Variants in ROBO2 observed in about 807,000 individuals in gnomAD.
The protein encoded by ROBO2 is roundabout homolog 2.
ROBO2 carries 53 observed loss-of-function variants against 160.8 expected under a neutral mutation model. The ratio of observed to expected loss-of-function variants is 0.33; its 90% CI spans 0.26 to 0.41. ROBO2 has a LOEUF of 0.41. Among genes scored for constraint, ROBO2 ranks in the 10% least tolerant of loss-of-function variants. ROBO2 has a pLI of 1.00. For missense variants in ROBO2, 1,577 were observed against 1,722.4 expected, an observed-to-expected ratio of 0.92 and a Z score of 1.49; for synonymous variants, 664 against 611.7, an observed-to-expected ratio of 1.09 and a Z score of -1.26.
chr3:77,369,501 G>A (rs1423986564), intron 2 of ROBO2, among the ~76,000 whole-genome samples: 6 of 152,172 alleles, frequency 3.9e-5, no homozygotes, highest in Non-Finnish European at 8.8e-5. Flanking sequence ...GCAGGTATGT[G>A]GATGTAGGCC....
chr3:76,623,349 G>A (rs1305359914), intron 2 of ROBO2, among the ~76,000 whole-genome samples: 1 of 152,140 alleles, frequency 6.6e-6, no homozygotes, highest in African/African-American at 2.4e-5. Context: ...GGTTTTTGAG[G>A]TTTAATGAGT....
intron 2 of ROBO2, among the ~76,000 whole-genome samples, chr3:76,094,547 T>C (rs2069362517): frequency 6.6e-6 from 1 of 152,226 alleles, no homozygotes; most frequent in African/African-American, 2.4e-5. Flanking sequence ...TAAAATGTAC[T>C]GCTCTTTACA....
At chr3:76,931,556 TAC>T (rs3069924) in intron 2 of ROBO2, among the ~76,000 whole-genome samples, 147 of 150,348 alleles carry the variant, frequency 9.8e-4, no homozygotes, top group South Asian at 3.3e-3. Flanking sequence ...ATAAGACACA[TAC>T]ACACACACAC....
At chr3:75,907,321 C>A (rs1946390638) in intron 1 of ROBO2, among the ~76,000 whole-genome samples, 1 of 151,936 alleles carries the variant, frequency 6.6e-6, no homozygotes, top group African/African-American at 2.4e-5. Context: ...TTTTCCAAGC[C>A]AAGGAAAGGT....
At chr3:77,536,937 T>G (rs1187665966) in intron 6 of ROBO2, among the ~76,000 whole-genome samples, 1 of 152,206 alleles carries the variant, frequency 6.6e-6, no homozygotes, top group Non-Finnish European at 1.5e-5. Flanking sequence ...CATTTTGAAC[T>G]GAGTTAACTC....
At chr3:77,284,275 C>A (rs1427570476) in intron 2 of ROBO2, among the ~76,000 whole-genome samples, 1 of 152,110 alleles carries the variant, frequency 6.6e-6, no homozygotes, top group African/African-American at 2.4e-5. Flanking sequence ...AATTTACTAA[C>A]CCTGATGTGC....
chr3:77,170,166 G>A (rs2079497924), intron 2 of ROBO2, among the ~76,000 whole-genome samples: 1 of 151,984 alleles, frequency 6.6e-6, no homozygotes, highest in South Asian at 2.1e-4. Flanking sequence ...ATTCTCATAT[G>A]CTGCCTAGGT....
At chr3:77,304,666 A>G (rs960559254) in intron 2 of ROBO2, among the ~76,000 whole-genome samples, 1 of 152,236 alleles carries the variant, frequency 6.6e-6, no homozygotes, top group Non-Finnish European at 1.5e-5. Flanking sequence ...ACGAAGGCCA[A>G]TATTGCTAAA....
chr3:77,026,462 A>G (rs1300026718), intron 2 of ROBO2, among the ~76,000 whole-genome samples: 1 of 152,204 alleles, frequency 6.6e-6, no homozygotes, highest in African/African-American at 2.4e-5. Context: ...GTTAGACCAG[A>G]TGTGTCAGTG....
intron 2 of ROBO2, among the ~76,000 whole-genome samples, chr3:77,001,396 C>A (rs1181932700): frequency 6.6e-6 from 1 of 152,152 alleles, no homozygotes; most frequent in East Asian, 1.9e-4. Context: ...GACTGAAACA[C>A]AATTTCATCG....
At chr3:76,159,622 G>A (rs1018389318) in intron 2 of ROBO2, among the ~76,000 whole-genome samples, 8 of 152,078 alleles carry the variant, frequency 5.3e-5, no homozygotes, top group Non-Finnish European at 1.0e-4. Context: ...CATATGAACA[G>A]TTTGGTCTAG....
At chr3:76,059,511 T>C (rs1423749304) in intron 2 of ROBO2, among the ~76,000 whole-genome samples, 2 of 152,206 alleles carry the variant, frequency 1.3e-5, no homozygotes. Context: ...GTTTTTTTCT[T>C]GTAAATTTTT....
exon 17 of ROBO2, chr3:77,588,770 C>T: frequency 1.2e-6 from 2 of 1,613,280 alleles, no homozygotes; most frequent in Non-Finnish European, 1.7e-6. Flanking sequence ...ATGAAGTTGT[C>T]ATTACTGAAA....
chr3:77,493,274 A>T, exon 5 of ROBO2: 1 of 1,613,952 alleles, frequency 6.2e-7, no homozygotes, highest in Non-Finnish European at 8.5e-7. Context: ...AGGCCAATTA[A>T]CCAGGTGGTA....
At chr3:75,943,031 G>C (rs1948127035) in intron 2 of ROBO2, among the ~76,000 whole-genome samples, 1 of 152,138 alleles carries the variant, frequency 6.6e-6, no homozygotes, top group East Asian at 1.9e-4. Context: ...TCTGAAGAAA[G>C]GGATTTCTTT....
intron 1 of ROBO2, among the ~76,000 whole-genome samples, chr3:75,927,517 T>C (rs1947335518): frequency 6.6e-6 from 1 of 152,238 alleles, no homozygotes; most frequent in Admixed American, 6.5e-5. Context: ...TTTCTTAACT[T>C]TAAGACTATT....
intron 2 of ROBO2, among the ~76,000 whole-genome samples, chr3:76,914,212 G>A (rs113046824): frequency 6.9e-4 from 105 of 152,262 alleles, no homozygotes; most frequent in Middle Eastern, 6.8e-3. Context: ...TCAGTTGCAT[G>A]GAGAGGGTAT....
chr3:77,292,313 T>A (rs1462697475), intron 2 of ROBO2, among the ~76,000 whole-genome samples: 2 of 121,916 alleles, frequency 1.6e-5, no homozygotes, highest in African/African-American at 6.0e-5. Context: ...GATGGTTAAA[T>A]AGGAAGTTGA....
At chr3:77,184,643 G>A (rs1376263328) in intron 2 of ROBO2, among the ~76,000 whole-genome samples, 4 of 151,952 alleles carry the variant, frequency 2.6e-5, no homozygotes, top group Non-Finnish European at 4.4e-5. Context: ...TGAGCAAAAG[G>A]TAAGAAAATA....
Sources: gnomAD v4.1 joint callset for allele counts (sites outside exome capture counted in the v4.1 genomes callset) on GRCh38, gnomAD v4.1.1 for gene constraint, MANE v1.5 for transcripts, NCBI Gene and HGNC (gene_info 2026-07-23, HGNC 2026-07-21) for gene names.